Variants in SEC24D observed in about 807,000 individuals in gnomAD.
The protein encoded by SEC24D is protein transport protein Sec24D.
SEC24D carries 69 observed loss-of-function variants against 116.9 expected under a neutral mutation model. The ratio of observed to expected loss-of-function variants is 0.59; its 90% confidence interval spans 0.49 to 0.72. The LOEUF (loss-of-function observed/expected upper bound fraction) is 0.72. SEC24D is among the 30% of genes least tolerant of loss of function. The probability of loss-of-function intolerance (pLI) is 0.00; values close to 1 mark genes in which losing one functional copy is unlikely to be tolerated. For missense variants in SEC24D, 1,131 were observed against 1,264.1 expected (o/e 0.89, Z 1.60); for synonymous variants, 405 against 442.8 (o/e 0.91, Z 1.07).
chr4:118,736,737 G>A (rs1690590601), intron 19 of SEC24D, among the ~76,000 whole-genome samples: 1 of 152,164 alleles, frequency 6.6e-6, no homozygotes, highest in South Asian at 2.1e-4. Flanking sequence ...CATATCATTG[G>A]TTGAAAGGCA....
intron 8 of SEC24D, among the ~76,000 whole-genome samples, chr4:118,774,884 T>C (rs918344210): frequency 2.6e-5 from 4 of 152,184 alleles, no homozygotes; most frequent in African/African-American, 9.6e-5. Flanking sequence ...AGAACTCTCT[T>C]GACTTTCCCC....
At chr4:118,815,772 ACT>A in intron 4 of SEC24D, 46 bp from the exon 5 acceptor site, 3 of 1,594,666 alleles carry the variant, frequency 1.9e-6, no homozygotes, top group African/African-American at 1.3e-5. Flanking sequence ...ACATTTCTCA[ACT>A]CTCTGACTTC....
intron 8 of SEC24D, among the ~76,000 whole-genome samples, chr4:118,791,273 G>C (rs1728882131): frequency 6.6e-6 from 1 of 152,028 alleles, no homozygotes; most frequent in Non-Finnish European, 1.5e-5. Context: ...AGAGGTGTTT[G>C]GATATGTGAG....
rs750253197 is a variant in SEC24D, at chr4:118,768,249, G to C, written c.1104C>G (p.Ala368=). The change falls in exon 9 of 23, where the codon GCC becomes GCG. Residue 368 remains alanine (A), a synonymous_variant. Transcript: ENST00000280551. ...TGAACTGCATAAATGGGCACATGTAGGCCTTGCACCTGTTGCATCTGACTG... is the reference window on the plus strand; with the variant it reads ...TGAACTGCATAAATGGGCACATGTACGCCTTGCACCTGTTGCATCTGACTG... The part of the protein sequence containing the change: ...SGPVRCNRCK[A]YMCPFMQFIE... 1.2e-6 allele frequency: 2 copies of C among 1,613,818 alleles called. No individual in the cohort carries two copies. The highest frequency in any genetic ancestry group is 2.2e-5 in the South Asian group (2 of 91,064).
chr4:118,769,932 T>G (rs1459157286), intron 8 of SEC24D: 1 of 152,228 alleles, frequency 6.6e-6, no homozygotes, highest in Non-Finnish European at 1.5e-5. Flanking sequence ...TGGAAAATTT[T>G]TATCCAGAAC....
chr4:118,834,299 A>G (rs535506446), intron 1 of SEC24D, among the ~76,000 whole-genome samples: 4 of 152,366 alleles, frequency 2.6e-5, no homozygotes, highest in African/African-American at 9.6e-5. Flanking sequence ...TGACCGAGCC[A>G]GGTGGTCACT....
Position 118,815,610 on chromosome 4 carries a change from G to C in SEC24D, c.514C>G (p.Pro172Ala), listed in dbSNP as rs753618247. 8 of 1,614,090 alleles carry C rather than the reference G, an allele frequency of 5.0e-6. No homozygotes were observed. In the East Asian group the frequency reaches 1.8e-4, roughly 36 times the overall value. ...CCATTGAGTGTGGTGGGTGGTGGTG[G>C]AAGAACTTGAGATCCAGGCTGCAAA... is the stretch of plus-strand genomic sequence containing the variant. ...SILQPGSQVL[P>A]PPPTTLNGPG... The change falls in exon 5 of 23, where the codon CCA becomes GCA. Residue 172 changes from proline (P) to alanine (A), a missense_variant. Transcript: ENST00000280551.
chr4:118,768,792 G>A (rs1560665906), intron 8 of SEC24D, among the ~76,000 whole-genome samples: 2 of 152,194 alleles, frequency 1.3e-5, no homozygotes, highest in Admixed American at 6.5e-5. Context: ...ATAAGATGTT[G>A]TCCAGAATAC....
chr4:118,784,091 C>T (rs566251952), intron 8 of SEC24D, among the ~76,000 whole-genome samples: 1 of 152,330 alleles, frequency 6.6e-6, no homozygotes, highest in East Asian at 1.9e-4. Context: ...TCCGACTGGG[C>T]TACTTCCAGT....
intron 8 of SEC24D, among the ~76,000 whole-genome samples, chr4:118,791,436 T>C (rs1173708857): frequency 6.6e-6 from 1 of 152,200 alleles, no homozygotes; most frequent in Non-Finnish European, 1.5e-5. Flanking sequence ...TGTGCCTCAG[T>C]TTACTTATAT....
chr4:118,793,014 G>A (rs1424731931), intron 8 of SEC24D, among the ~76,000 whole-genome samples: 1 of 152,200 alleles, frequency 6.6e-6, no homozygotes, highest in East Asian at 1.9e-4. Context: ...AGGGGATAGG[G>A]TATCTAAGGG....
chr4:118,834,092 A>T (rs1730992301), intron 1 of SEC24D, among the ~76,000 whole-genome samples: 1 of 152,256 alleles, frequency 6.6e-6, no homozygotes, highest in South Asian at 2.1e-4. Flanking sequence ...ATTTCAGCAC[A>T]GAGCACACCA....
chr4:118,800,593 T>C lies in SEC24D; in HGVS notation c.914-2783A>G, dbSNP rs138559037. Among the ~76,000 whole-genome samples the C allele has an allele frequency of 3.7e-3, 569 of 152,280 alleles. 4 individuals carry two copies. The highest frequency in any genetic ancestry group is 0.013 in the African/African-American group (532 of 41,564). On this transcript the variant is annotated intron_variant, in intron 7 of 22. Transcript: ENST00000280551. ...ATGACTGCAGGCTGAATCCAGTCCT[T>C]GAGCTGCTCTGCAGAGCATCTGAGA...
rs79374829 is a variant in SEC24D at position 118,786,102 on chromosome 4, C to T, written c.1041+11581G>A. On this transcript the variant is annotated intron_variant, in intron 8 of 22. Coordinates refer to ENST00000280551, the MANE Select transcript of SEC24D (RefSeq NM_014822.4). ...AAGTAAATGTTTCAAGGTCTTCCTG[C>T]TAAAATAGAGTCAATTTATGCACCT... Among the ~76,000 whole-genome samples, 441 of 152,212 alleles carry T rather than the reference C, an allele frequency of 2.9e-3. 3 individuals carry two copies. The highest frequency in any genetic ancestry group is 0.01 in the African/African-American group (427 of 41,526).
At chr4:118,747,071 A>C (rs986218535) in intron 13 of SEC24D, among the ~76,000 whole-genome samples, 2 of 152,180 alleles carry the variant, frequency 1.3e-5, no homozygotes, top group African/African-American at 4.8e-5. Flanking sequence ...GGATAAATGA[A>C]GAAGCACATG....
intron 19 of SEC24D, among the ~76,000 whole-genome samples, chr4:118,734,620 T>C (rs867916890): frequency 6.6e-6 from 1 of 151,968 alleles, no homozygotes; most frequent in Non-Finnish European, 1.5e-5. Flanking sequence ...CTTAAATTCA[T>C]ATCGTAAGTC....
chr4:118,726,161 C>T (rs1257501476), intron 22 of SEC24D, among the ~76,000 whole-genome samples: 1 of 152,190 alleles, frequency 6.6e-6, no homozygotes, highest in African/African-American at 2.4e-5. Flanking sequence ...CATTGGCTGA[C>T]TCACAGGGAA....
At chr4:118,787,385 T>C (rs1728698608) in intron 8 of SEC24D, among the ~76,000 whole-genome samples, 1 of 152,224 alleles carries the variant, frequency 6.6e-6, no homozygotes, top group Non-Finnish European at 1.5e-5. Flanking sequence ...ATTTAAGTAT[T>C]CTTTAAGTTC....
At chr4:118,726,232 C>G (rs1336226159) in intron 22 of SEC24D, among the ~76,000 whole-genome samples, 1 of 152,106 alleles carries the variant, frequency 6.6e-6, no homozygotes, top group Admixed American at 6.6e-5. Context: ...GAGAAGAGAG[C>G]CATGATACAA....
Sources: gnomAD v4.1 joint callset for allele counts (sites outside exome capture counted in the v4.1 genomes callset) on GRCh38, gnomAD v4.1.1 for gene constraint, MANE v1.5 for transcripts, NCBI Gene and HGNC (gene_info 2026-07-23, HGNC 2026-07-21) for gene names.